PAXIP1: variants seen among roughly 807,000 people sequenced by gnomAD.
PAXIP1 encodes the protein PAX interacting protein 1.
In PAXIP1, 19 loss-of-function variants were observed where a neutral mutation model predicts 140.6. The ratio of observed to expected loss-of-function variants is 0.14; its 90% confidence interval spans 0.09 to 0.20. The LOEUF (loss-of-function observed/expected upper bound fraction) is 0.20, where lower values mean the gene tolerates loss of function less well. Among genes scored for constraint, PAXIP1 ranks in the 10% least tolerant of loss-of-function variants. The pLI is 1.00. For missense variants in PAXIP1, 920 were observed against 1,208.6 expected, an observed-to-expected ratio of 0.76 and a Z score of 3.54; for synonymous variants, 442 against 444.6, an observed-to-expected ratio of 0.99 and a Z score of 0.07.
chr7:154,978,515 A>G (rs1346185659), intron 5 of PAXIP1, among the ~76,000 whole-genome samples: 1 of 152,226 alleles, frequency 6.6e-6, no homozygotes, highest in Non-Finnish European at 1.5e-5. Context: ...TTAAATATTT[A>G]AAAGCATAAA....
At position 154,986,264 on chromosome 7, in the gene PAXIP1, G is replaced by T; in HGVS notation, c.325-2932C>A. ...CTGGGGTCCTGCCTGGCGTGTGCATGTGAGTGTGTGTGCGCATGGGTGCTC... is the reference window on the plus strand; with the variant it reads ...CTGGGGTCCTGCCTGGCGTGTGCATTTGAGTGTGTGTGCGCATGGGTGCTC... On this transcript the variant is annotated intron_variant, in intron 4 of 20. Coordinates refer to ENST00000404141, the MANE Select transcript of PAXIP1 (RefSeq NM_007349.4). This position sits in a 1 kb window ranked among gnomAD's most constrained non-coding sequence, Gnocchi z 4.8. 1.1e-6 allele frequency: 1 copy of T among 935,466 alleles called. No individual in the cohort carries two copies. Among genetic ancestry groups the T allele is most frequent in the Non-Finnish European group, 1.4e-6 (1 of 689,778 alleles). The allele number at this position is 935,466 out of a possible 1,614,324, so 57.9% of individuals were successfully genotyped here. A position where few individuals can be genotyped will look rare whatever the true frequency, so the allele number is the denominator to read the frequency against.
At chr7:154,948,788 A>G (rs1808126225) in intron 16 of PAXIP1, 2 of 151,648 alleles carry the variant, frequency 1.3e-5, no homozygotes, top group African/African-American at 4.8e-5. Context: ...TTATATATAT[A>G]CACTAACTCC....
Position 154,954,162 on chromosome 7 carries a change from A to T in PAXIP1, c.2821+93T>A. 1 of 909,826 alleles carries T rather than the reference A, an allele frequency of 1.1e-6. No individual in the cohort carries two copies. Among genetic ancestry groups the T allele is most frequent in the Non-Finnish European group, 1.6e-6 (1 of 639,894 alleles). The allele number at this position is 909,826 out of a possible 1,614,324, so 56.4% of individuals were successfully genotyped here. ...ATGAATAACTATCACATAGTTTAAA[A>T]ATTAAATATTTGTTGGGATGAAAAG... On this transcript the variant is annotated intron_variant, in intron 16 of 20. Transcript: ENST00000404141. The surrounding 1 kb of genome is among the most constrained non-coding windows in gnomAD (Gnocchi z 5.1).
intron 5 of PAXIP1, 84 bp from the exon 6 acceptor site, chr7:154,976,415 A>T: frequency 6.7e-7 from 1 of 1,497,342 alleles, no homozygotes; most frequent in Non-Finnish European, 8.9e-7. Context: ...GAAAAAACTC[A>T]GTCAAGGAAT....
At chr7:154,944,390 C>G in intron 20 of PAXIP1, 1 of 421,978 alleles carries the variant, frequency 2.4e-6, no homozygotes, top group South Asian at 3.9e-5. Context: ...CCTGTGCCAG[C>G]TCCGCAAGGT....
chr7:155,000,665 G>A (rs765432366), intron 1 of PAXIP1: 2 of 152,108 alleles, frequency 1.3e-5, no homozygotes, highest in South Asian at 4.2e-4. Context: ...CACTTTACTC[G>A]GTTTTCACGA....
At chr7:154,957,973 CAAA>C (rs35027196) in intron 13 of PAXIP1, among the ~76,000 whole-genome samples, 1 of 91,738 alleles carries the variant, frequency 1.1e-5, no homozygotes, top group African/African-American at 4.4e-5. Context: ...GACTCCGTCT[CAAA>C]AAAAAAAAAA....
At chr7:154,955,386 C>A in intron 15 of PAXIP1, 143 bp downstream of exon 15, 1 of 589,112 alleles carries the variant, frequency 1.7e-6, no homozygotes, top group Non-Finnish European at 3.0e-6. Context: ...ATAAATACTA[C>A]TAAAAATACT....
chr7:154,965,617 T>A (rs1042164095), intron 8 of PAXIP1: 8 of 152,274 alleles, frequency 5.3e-5, no homozygotes, highest in Non-Finnish European at 1.2e-4. Context: ...AAGACCTTTA[T>A]GATGATATAC....
chr7:154,960,858 T>G lies in PAXIP1; in HGVS notation c.2434+35A>C, dbSNP rs778100050. ...TAGAAGTAATGCTAATGATTTTATT[T>G]AAGTAAGATTTGCAGCATGTAGAAT... On this transcript the variant is annotated intron_variant, in intron 12 of 20. Coordinates refer to ENST00000404141, the MANE Select transcript of PAXIP1 (RefSeq NM_007349.4). 1.5e-5 allele frequency: 22 copies of G among 1,419,412 alleles called. No individual in the cohort carries two copies. The African/African-American group carries it at 2.9e-4, about 19-fold the overall frequency. The allele number at this position is 1,419,412 out of a possible 1,614,324, so 87.9% of individuals were successfully genotyped here. A position where few individuals can be genotyped will look rare whatever the true frequency, so the allele number is the denominator to read the frequency against.
chr7:154,983,320 CT>C lies in PAXIP1; in HGVS notation c.336del (p.Asp113ThrfsTer18). The C allele has an allele frequency of 6.3e-7, 1 of 1,577,420 alleles. No individual in the cohort carries two copies. The highest frequency in any genetic ancestry group is 8.7e-7 in the Non-Finnish European group (1 of 1,147,622). The part of the protein sequence containing the change: ...ITACLSQVSS[E>X]DRSALWALVT... ...ACCAAAGCCCACAGGGCACTTCTGT[CT>C]TCAGATGACACCTGACAGAAAGTTA... On this transcript the variant is annotated frameshift_variant, in exon 5 of 21. Transcript: ENST00000404141. LOFTEE classifies it high-confidence loss of function.
At chr7:154,968,198 C>T (rs1809109834) in intron 7 of PAXIP1, among the ~76,000 whole-genome samples, 1 of 152,178 alleles carries the variant, frequency 6.6e-6, no homozygotes, top group African/African-American at 2.4e-5. Context: ...CACCAATATT[C>T]ACTTCAGGAT....
chr7:154,962,851 G>A (rs1808818359), intron 9 of PAXIP1, among the ~76,000 whole-genome samples: 1 of 152,166 alleles, frequency 6.6e-6, no homozygotes, highest in African/African-American at 2.4e-5. Context: ...AAAAGTCTCA[G>A]AAGTATTTCC....
intron 13 of PAXIP1, among the ~76,000 whole-genome samples, chr7:154,958,199 G>A (rs1808614135): frequency 6.6e-6 from 1 of 152,134 alleles, no homozygotes; most frequent in South Asian, 2.1e-4. Flanking sequence ...CCTGACCCTG[G>A]AGCAGAAGCC....
At chr7:154,945,639 G>A in intron 20 of PAXIP1, 1 of 907,102 alleles carries the variant, frequency 1.1e-6, no homozygotes, top group South Asian at 5.1e-5. Flanking sequence ...CAGCCTCATT[G>A]CAGGAGGCCC....
intron 6 of PAXIP1, among the ~76,000 whole-genome samples, chr7:154,971,263 C>T (rs1431742093): frequency 6.6e-6 from 1 of 152,146 alleles, no homozygotes; most frequent in Non-Finnish European, 1.5e-5. Flanking sequence ...GCTGACCCAG[C>T]CCATCCACTG....
At chr7:154,961,188 T>TG (rs1247813652) in intron 11 of PAXIP1, 111 bp from the exon 12 acceptor site, 7 of 872,068 alleles carry the variant, frequency 8.0e-6, no homozygotes, top group Non-Finnish European at 1.0e-5. Context: ...ATAATAGAAG[T>TG]GGGAGGCATA....
Position 154,954,854 on chromosome 7 carries a change from T to C in PAXIP1, c.2653-431A>G, listed in dbSNP as rs1194776425. On this transcript the variant is annotated intron_variant, in intron 15 of 20. Transcript: ENST00000404141. The surrounding 1 kb of genome is among the most constrained non-coding windows in gnomAD (Gnocchi z 5.1). ...AAAAACTGGCTAAGACTTGAGCATA[T>C]AAAAAAGCGAGCTCCTAATAACTAT... Among the ~76,000 whole-genome samples, 1 of 152,150 alleles carries C rather than the reference T, an allele frequency of 6.6e-6. No homozygotes were observed. Among genetic ancestry groups the C allele is most frequent in the Admixed American group, 6.5e-5 (1 of 15,288 alleles).
chr7:154,958,937 A>G (rs1213497156), intron 13 of PAXIP1, among the ~76,000 whole-genome samples: 2 of 152,208 alleles, frequency 1.3e-5, no homozygotes, highest in African/African-American at 4.8e-5. Context: ...TAAAATCATA[A>G]CTACTAGTTT....
Sources: gnomAD v4.1 joint callset for allele counts (sites outside exome capture counted in the v4.1 genomes callset) on GRCh38, gnomAD v4.1.1 for gene constraint, Gnocchi (gnomAD v3.1) non-coding constraint, MANE v1.5 for transcripts, NCBI Gene and HGNC (gene_info 2026-07-23, HGNC 2026-07-21) for gene names.